The following PPM1H variants were observed in gnomAD, a reference collection of about 807,000 sequenced individuals.
PPM1H encodes the protein protein phosphatase 1H.
PPM1H carries 27 observed loss-of-function variants against 54.9 expected under a neutral mutation model. The observed-to-expected ratio is 0.49, with a 90% CI of 0.36 to 0.68. The LOEUF (loss-of-function observed/expected upper bound fraction) is 0.68, where lower values mean the gene tolerates loss of function less well. Ranked by LOEUF, PPM1H falls within the 30% of genes least tolerant of loss-of-function variation. PPM1H has a pLI of 0.00. For synonymous variants in PPM1H, 305 were observed against 270.8 expected (o/e 1.13, Z -1.24); for missense variants, 596 against 667.8 (o/e 0.89, Z 1.19).
In PPM1H at chr12:62,762,842, C is replaced by T. The variant is rs138238076; in HGVS notation, c.870-25256G>A. On this transcript the variant is annotated intron_variant, in intron 4 of 9. Transcript: ENST00000228705. ...AATAAGCTAAAAATAGGGGCAATACCGGTTAAGAAATAAAGAACACCTCAT... is the reference window on the plus strand; with the variant it reads ...AATAAGCTAAAAATAGGGGCAATACTGGTTAAGAAATAAAGAACACCTCAT... Among the ~76,000 whole-genome samples, 910 of 152,218 alleles carry T rather than the reference C, an allele frequency of 6.0e-3. 10 individuals carry two copies. The highest frequency in any genetic ancestry group is 0.019 in the African/African-American group (802 of 41,540).
At chr12:62,851,741 CA>C (rs2098484146) in intron 1 of PPM1H, among the ~76,000 whole-genome samples, 1 of 152,002 alleles carries the variant, frequency 6.6e-6, no homozygotes, top group African/African-American at 2.4e-5. Flanking sequence ...TAAATTGTTA[CA>C]ACTGAAGGTG....
intron 1 of PPM1H, among the ~76,000 whole-genome samples, chr12:62,859,572 T>A (rs2120964876): frequency 6.6e-6 from 1 of 152,312 alleles, no homozygotes; most frequent in East Asian, 1.9e-4. Context: ...TTCACATCAG[T>A]CAGTCAAATA....
intron 1 of PPM1H, among the ~76,000 whole-genome samples, chr12:62,832,760 A>G (rs904931052): frequency 5.3e-5 from 8 of 152,176 alleles, no homozygotes; most frequent in Non-Finnish European, 8.8e-5. Flanking sequence ...ACAGAGAACC[A>G]TATTTCACTA....
chr12:62,649,657 T>C (rs1204293700), intron 9 of PPM1H, among the ~76,000 whole-genome samples: 2 of 152,246 alleles, frequency 1.3e-5, no homozygotes, highest in Non-Finnish European at 2.9e-5. Flanking sequence ...TATTCTGATT[T>C]CGTGTTCACC....
chr12:62,680,262 TC>T (rs2076012147), intron 8 of PPM1H, among the ~76,000 whole-genome samples: 2 of 151,138 alleles, frequency 1.3e-5, no homozygotes, highest in African/African-American at 2.4e-5. Flanking sequence ...CTTTCCTCTT[TC>T]CCCCTCCCCT....
intron 5 of PPM1H, among the ~76,000 whole-genome samples, chr12:62,729,353 A>C (rs2076307417): frequency 6.6e-6 from 1 of 152,160 alleles, no homozygotes; most frequent in African/African-American, 2.4e-5. Flanking sequence ...TAATCCTAGG[A>C]GAGAAGAGAG....
chr12:62,763,940 G>C (rs1270530769), intron 4 of PPM1H, among the ~76,000 whole-genome samples: 7 of 152,132 alleles, frequency 4.6e-5, no homozygotes, highest in Admixed American at 1.3e-4. Flanking sequence ...CTAAGATAGA[G>C]GAACACTCCT....
intron 2 of PPM1H, among the ~76,000 whole-genome samples, chr12:62,830,485 G>C (rs894311241): frequency 6.6e-6 from 1 of 152,170 alleles, no homozygotes; most frequent in African/African-American, 2.4e-5. Flanking sequence ...TCGATCTCCT[G>C]ACCTCGTGAT....
intron 4 of PPM1H, among the ~76,000 whole-genome samples, chr12:62,747,079 G>A (rs2076416565): frequency 6.6e-6 from 1 of 152,040 alleles, no homozygotes; most frequent in African/African-American, 2.4e-5. Context: ...AGCCTCCTGA[G>A]TAGATGGGAC....
intron 4 of PPM1H, among the ~76,000 whole-genome samples, chr12:62,784,520 T>A (rs951767723): frequency 1.3e-5 from 2 of 152,036 alleles, no homozygotes; most frequent in Non-Finnish European, 2.9e-5. Context: ...CTCGAAACTG[T>A]CAAGATGTAA....
intron 1 of PPM1H, among the ~76,000 whole-genome samples, chr12:62,834,083 T>C (rs1868429110): frequency 6.6e-6 from 1 of 152,330 alleles, no homozygotes; most frequent in Non-Finnish European, 1.5e-5. Context: ...CAAAAGCCTA[T>C]GTTTACTTAT....
chr12:62,669,251 C>T (rs17676302), intron 8 of PPM1H, among the ~76,000 whole-genome samples: 2,535 of 152,326 alleles, frequency 0.017, 36 homozygotes, highest in Middle Eastern at 0.034. Flanking sequence ...AGGTCACTGA[C>T]GAATGTGGTC....
At chr12:62,827,771 T>C (rs1003336515) in intron 2 of PPM1H, among the ~76,000 whole-genome samples, 1 of 152,170 alleles carries the variant, frequency 6.6e-6, no homozygotes. Flanking sequence ...TAATGTCAAT[T>C]TCTCAAGGAA....
At chr12:62,718,170 G>T (rs1437073796) in intron 6 of PPM1H, among the ~76,000 whole-genome samples, 1 of 152,128 alleles carries the variant, frequency 6.6e-6, no homozygotes, top group Non-Finnish European at 1.5e-5. Context: ...CTAGGCACTG[G>T]TGTCCCCCTC....
intron 2 of PPM1H, among the ~76,000 whole-genome samples, chr12:62,814,927 T>C (rs974478144): frequency 6.6e-6 from 1 of 152,204 alleles, no homozygotes; most frequent in Non-Finnish European, 1.5e-5. Context: ...TTCTGGCCAG[T>C]TTTCCAGGAA....
At chr12:62,853,764 T>C (rs809545) in intron 1 of PPM1H, among the ~76,000 whole-genome samples, 9 of 152,130 alleles carry the variant, frequency 5.9e-5, no homozygotes, top group Non-Finnish European at 2.9e-5. Context: ...CCACAATATA[T>C]GCAAGGGGAA....
chr12:62,756,662 G>A (rs901099495), intron 4 of PPM1H, among the ~76,000 whole-genome samples: 22 of 151,890 alleles, frequency 1.4e-4, no homozygotes, highest in African/African-American at 5.1e-4. Context: ...GTCCTGAAAA[G>A]GTGAAGAGTA....
intron 4 of PPM1H, among the ~76,000 whole-genome samples, chr12:62,741,257 G>A (rs1006288040): frequency 6.6e-6 from 1 of 150,680 alleles, no homozygotes; most frequent in Non-Finnish European, 1.5e-5. Context: ...AGCAGCACAG[G>A]AATCCCTCTC....
At chr12:62,754,003 TA>T (rs1446635948) in intron 4 of PPM1H, among the ~76,000 whole-genome samples, 51 of 152,294 alleles carry the variant, frequency 3.3e-4, no homozygotes, top group Non-Finnish European at 4.4e-5. Flanking sequence ...CAGGAAAAAC[TA>T]AGTCTCCAAA....
Sources: gnomAD v4.1 joint callset for allele counts (sites outside exome capture counted in the v4.1 genomes callset) on GRCh38, gnomAD v4.1.1 for gene constraint, MANE v1.5 for transcripts, NCBI Gene and HGNC (gene_info 2026-07-23, HGNC 2026-07-21) for gene names.